IPO9: variants seen among roughly 807,000 people sequenced by gnomAD.
The protein encoded by IPO9 is importin-9.
A neutral mutation model predicts 128.6 loss-of-function variants in IPO9; 28 were observed. The observed-to-expected ratio is 0.22, with a 90% CI of 0.16 to 0.30. IPO9 has a LOEUF of 0.30. Ranked by LOEUF, IPO9 falls within the 10% of genes least tolerant of loss-of-function variation. The probability of loss-of-function intolerance (pLI) is 1.00; values close to 1 mark genes in which losing one functional copy is unlikely to be tolerated. For synonymous variants in IPO9, 455 were observed against 475.8 expected (o/e 0.96, Z 0.57); for missense variants, 935 against 1,293.9 (o/e 0.72, Z 4.26).
At chr1:201,871,518 G>A (rs1262647888) in intron 19 of IPO9, among the ~76,000 whole-genome samples, 191 bp downstream of exon 19, 2 of 145,464 alleles carry the variant, frequency 1.4e-5, no homozygotes, top group East Asian at 2.2e-4. Context: ...TCAGCCGTCC[G>A]AATATTACAC....
intron 1 of IPO9, among the ~76,000 whole-genome samples, chr1:201,844,318 A>G (rs1301953671): frequency 6.6e-6 from 1 of 152,190 alleles, no homozygotes; most frequent in Non-Finnish European, 1.5e-5. Context: ...GTATAACCTC[A>G]ATCTAAAACA....
chr1:201,852,628 A>G (rs1333102514), intron 5 of IPO9, among the ~76,000 whole-genome samples: 1 of 152,188 alleles, frequency 6.6e-6, no homozygotes, highest in Non-Finnish European at 1.5e-5. Context: ...ATAGTAAGGT[A>G]TAAATACCTG....
At chr1:201,843,237 G>T (rs560350236) in intron 1 of IPO9, among the ~76,000 whole-genome samples, 36 of 152,300 alleles carry the variant, frequency 2.4e-4, no homozygotes, top group African/African-American at 8.7e-4. Context: ...GCTGGATGGG[G>T]TGAAGGCACA....
At chr1:201,852,662 A>G (rs924972875) in intron 5 of IPO9, among the ~76,000 whole-genome samples, 2 of 152,178 alleles carry the variant, frequency 1.3e-5, no homozygotes, top group Non-Finnish European at 2.9e-5. Flanking sequence ...TAACTTCCCT[A>G]TTCCCCTCTG....
chr1:201,835,284 T>C (rs544223717), intron 1 of IPO9, among the ~76,000 whole-genome samples: 6 of 152,356 alleles, frequency 3.9e-5, no homozygotes, highest in Admixed American at 6.5e-5. Flanking sequence ...TAAGTGATCC[T>C]TTATCCTCCA....
At chr1:201,846,328 G>T (rs1352197018) in intron 1 of IPO9, among the ~76,000 whole-genome samples, 1 of 152,114 alleles carries the variant, frequency 6.6e-6, no homozygotes, top group Non-Finnish European at 1.5e-5. Context: ...CTTTTAAGTT[G>T]TCCTCAGGAA....
At chr1:201,855,233 A>G in intron 9 of IPO9, 51 bp downstream of exon 9, 1 of 1,223,824 alleles carries the variant, frequency 8.2e-7, no homozygotes, top group Non-Finnish European at 1.2e-6. Context: ...GGGAAAAGAA[A>G]AAGAAGCCAG....
intron 1 of IPO9, among the ~76,000 whole-genome samples, chr1:201,833,187 G>A (rs192712024): frequency 3.6e-4 from 55 of 151,964 alleles, no homozygotes; most frequent in African/African-American, 1.3e-3. Context: ...ATCTGAAAAG[G>A]ATAAGATAGG....
intron 13 of IPO9, among the ~76,000 whole-genome samples, chr1:201,862,806 C>CA (rs545253856): frequency 0.014 from 1,005 of 69,724 alleles, 9 homozygotes; most frequent in African/African-American, 0.037. Flanking sequence ...AACTTCATCT[C>CA]AAAAAAAAAA....
chr1:201,858,892 T>G lies in IPO9; in HGVS notation c.1366T>G (p.Ser456Ala), dbSNP rs1383438112. The G allele has an allele frequency of 6.2e-7, 1 of 1,611,590 alleles. No individual in the cohort carries two copies. Among genetic ancestry groups the G allele is most frequent in the Non-Finnish European group, 8.5e-7 (1 of 1,178,048 alleles). Residue 456 changes from serine to alanine, a missense_variant, in exon 13 of 24, where the codon TCA (serine) becomes GCA (alanine). By Grantham distance (99) the Ser-to-Ala change is moderately conservative (BLOSUM62 1). This residue lies in a region of IPO9 where 741 missense variants were observed against 1,019.1 expected (regional missense o/e 0.73). Coordinates refer to ENST00000361565, the MANE Select transcript of IPO9 (RefSeq NM_018085.5). ...IHEACMLALGSVKAIITDSVK... is the reference protein window; with the variant it reads ...IHEACMLALGAVKAIITDSVK... ...TGAGGCATGCATGCTTGCCCTAGGC[T>G]CAGTGAAGGCCATCATCACTGACAG...
Position 201,883,010 on chromosome 1 carries a change from AG to A in IPO9, c.*6958del, listed in dbSNP as rs1680917700. Reference sequence around the variant, plus strand: ...ATTAGGGTCTTGGTGAGCCTTTGGGAGGACAGCTCTGAGGAATGAATTGTAG... The same window carrying A: ...ATTAGGGTCTTGGTGAGCCTTTGGGAGACAGCTCTGAGGAATGAATTGTAG... On this transcript the variant is annotated 3_prime_UTR_variant, in exon 24 of 24. Coordinates refer to ENST00000361565, the MANE Select transcript of IPO9 (RefSeq NM_018085.5). The A allele has an allele frequency of 6.6e-6, 1 of 152,600 alleles. No homozygotes were observed. Among genetic ancestry groups the A allele is most frequent in the African/African-American group, 2.4e-5 (1 of 41,432 alleles). The allele number at this position is 152,600 out of a possible 1,614,324, so 9.5% of individuals were successfully genotyped here.
At chr1:201,856,124 C>T (rs1243592927) in intron 10 of IPO9, among the ~76,000 whole-genome samples, 190 bp downstream of exon 10, 2 of 145,432 alleles carry the variant, frequency 1.4e-5, no homozygotes, top group Non-Finnish European at 3.0e-5. Flanking sequence ...CACCACCATA[C>T]CTGGCTTTTT....
intron 1 of IPO9, among the ~76,000 whole-genome samples, chr1:201,838,648 C>T (rs2644119): frequency 0.27 from 41,579 of 151,468 alleles, 5,961 homozygotes; most frequent in Non-Finnish European, 0.33. Flanking sequence ...TCTTCTGTGG[C>T]GGTCATGCCA....
intron 14 of IPO9, among the ~76,000 whole-genome samples, chr1:201,866,244 G>T (rs1291418598): frequency 6.6e-6 from 1 of 151,906 alleles, no homozygotes; most frequent in Admixed American, 6.6e-5. Context: ...ACCTGCCTTG[G>T]CCCCCCAAAG....
rs1680883424 is a variant in IPO9 at position 201,881,524 on chromosome 1, G to A, written c.*5470G>A. 6.6e-6 allele frequency: 1 copy of A among 152,130 alleles called. No individual in the cohort carries two copies. The highest frequency in any genetic ancestry group is 2.4e-5 in the African/African-American group (1 of 41,402). 9.4% of individuals were successfully genotyped at this position (152,130 alleles called of 1,614,324 possible). On this transcript the variant is annotated 3_prime_UTR_variant, in exon 24 of 24. Coordinates refer to ENST00000361565, the MANE Select transcript of IPO9 (RefSeq NM_018085.5). ...ACAATTTCATTTTCAGACCTTATAA[G>A]CACGTTACAAGTACTGATATTTATG... is the stretch of plus-strand genomic sequence containing the variant.
chr1:201,843,062 A>G (rs758909775), intron 1 of IPO9, among the ~76,000 whole-genome samples: 5 of 152,194 alleles, frequency 3.3e-5, no homozygotes, highest in Non-Finnish European at 5.9e-5. Context: ...GAGCATTACA[A>G]TCAGCCACTG....
At chr1:201,838,062 C>A (rs1679971846) in intron 1 of IPO9, among the ~76,000 whole-genome samples, 1 of 151,974 alleles carries the variant, frequency 6.6e-6, no homozygotes, top group Non-Finnish European at 1.5e-5. Context: ...AAGAGTGCAA[C>A]TCTGTCTCAA....
chr1:201,831,957 A>G (rs1440866664), intron 1 of IPO9, among the ~76,000 whole-genome samples: 2 of 152,042 alleles, frequency 1.3e-5, no homozygotes, highest in Non-Finnish European at 2.9e-5. Flanking sequence ...GCTGGAGTGC[A>G]GTGGTGCGAT....
chr1:201,877,477 C>G lies in IPO9; in HGVS notation c.*1423C>G, dbSNP rs1485938989. On this transcript the variant is annotated 3_prime_UTR_variant, in exon 24 of 24. Transcript: ENST00000361565. ...GATATCACACCGTTGCATTCCAAGG[C>G]AAGACTCAATCACACACACACACAC... 2 of 142,532 alleles carry G rather than the reference C, an allele frequency of 1.4e-5. No homozygotes were observed. Among genetic ancestry groups the G allele is most frequent in the African/African-American group, 2.6e-5 (1 of 38,582 alleles). The allele number at this position is 142,532 out of a possible 1,614,324, so 8.8% of individuals were successfully genotyped here.
Sources: allele counts gnomAD v4.1 joint callset (sites outside exome capture counted in the v4.1 genomes callset), GRCh38; gene constraint gnomAD v4.1.1; regional missense constraint gnomAD v4.1.1; transcripts MANE v1.5; gene names NCBI Gene and HGNC (gene_info 2026-07-23, HGNC 2026-07-21).